Variants in SGCD observed in about 807,000 individuals in gnomAD.
SGCD encodes the protein delta-sarcoglycan.
In SGCD, 18 loss-of-function variants were observed where a neutral mutation model predicts 36.6. The ratio of observed to expected loss-of-function variants is 0.49; its 90% CI spans 0.34 to 0.73. SGCD has a LOEUF of 0.73. SGCD is among the 30% of genes least tolerant of loss of function. The probability of loss-of-function intolerance (pLI) is 0.01; values close to 1 mark genes in which losing one functional copy is unlikely to be tolerated. For missense variants in SGCD, 387 were observed against 346.7 expected, an observed-to-expected ratio of 1.12 and a Z score of -0.92; for synonymous variants, 133 against 130.6, an observed-to-expected ratio of 1.02 and a Z score of -0.12.
At chr5:156,689,215 A>C (rs2113701953) in intron 7 of SGCD, among the ~76,000 whole-genome samples, 1 of 152,232 alleles carries the variant, frequency 6.6e-6, no homozygotes, top group South Asian at 2.1e-4. Flanking sequence ...GTATAGAGGA[A>C]CTCCCTGCAC....
At chr5:156,121,225 C>T (rs1054147195) in intron 2 of SGCD, among the ~76,000 whole-genome samples, 1 of 152,060 alleles carries the variant, frequency 6.6e-6, no homozygotes, top group African/African-American at 2.4e-5. Flanking sequence ...GAATATAAGC[C>T]TGCAGCAGTA....
At chr5:156,153,253 GT>G (rs80302793) in intron 3 of SGCD, among the ~76,000 whole-genome samples, 6,080 of 141,062 alleles carry the variant, frequency 0.043, 588 homozygotes, top group African/African-American at 0.15. Flanking sequence ...AAAAAATGTT[GT>G]TTTTTTTTTT....
chr5:156,058,181 C>G (rs759757466), intron 1 of SGCD, among the ~76,000 whole-genome samples: 1 of 145,764 alleles, frequency 6.9e-6, no homozygotes, highest in Non-Finnish European at 1.5e-5. Context: ...TCTGAGCAAG[C>G]CTTTAGATAT....
chr5:156,238,189 C>T (rs1006796221), intron 3 of SGCD, among the ~76,000 whole-genome samples: 4 of 152,158 alleles, frequency 2.6e-5, no homozygotes, highest in Non-Finnish European at 5.9e-5. Context: ...GCGATCCTTC[C>T]GCCTTAGCCT....
rs374357211 is a variant in SGCD, at chr5:155,949,634, T to C, written c.-282+79210T>C. Among the ~76,000 whole-genome samples the C allele has an allele frequency of 7.2e-5, 11 of 152,318 alleles. No individual in the cohort carries two copies. In the East Asian group the frequency reaches 2.1e-3, roughly 29 times the overall value. On this transcript the variant is annotated intron_variant, in intron 1 of 9. Transcript: ENST00000517913. ...AAAAGTCAAATTGAGAGCAATATTT[T>C]ATGGTTTGTAGAAATTACATGAAAT...
intron 4 of SGCD, among the ~76,000 whole-genome samples, chr5:156,529,397 C>A (rs543700536): frequency 2.5e-4 from 37 of 145,284 alleles, no homozygotes; most frequent in Non-Finnish European, 4.0e-4. Context: ...TGCACTCCAG[C>A]CTGACAACAG....
the SGCD span, among the ~76,000 whole-genome samples, chr5:155,812,698 A>C: frequency 1.3e-5 from 2 of 152,202 alleles, no homozygotes; most frequent in African/African-American, 4.8e-5. Context: ...AATAAGAACC[A>C]ATGTATGAGT....
chr5:156,049,932 C>T (rs1759873527), intron 1 of SGCD, among the ~76,000 whole-genome samples: 2 of 146,638 alleles, frequency 1.4e-5, no homozygotes, highest in African/African-American at 4.9e-5. Flanking sequence ...CATGATAAAA[C>T]TTGAATGGAT....
At chr5:156,662,971 A>G (rs2113634169) in intron 7 of SGCD, among the ~76,000 whole-genome samples, 1 of 150,516 alleles carries the variant, frequency 6.6e-6, no homozygotes, top group South Asian at 2.1e-4. Context: ...ACCGCCCCTA[A>G]AAAGGATACC....
intron 1 of SGCD, among the ~76,000 whole-genome samples, chr5:156,094,020 A>G (rs1281908368): frequency 6.6e-6 from 1 of 152,180 alleles, no homozygotes; most frequent in African/African-American, 2.4e-5. Context: ...GCTCTGTGCA[A>G]ATCAGGTGCC....
intron 3 of SGCD, among the ~76,000 whole-genome samples, chr5:156,159,948 C>T (rs1278018612): frequency 6.6e-6 from 1 of 151,446 alleles, no homozygotes; most frequent in African/African-American, 2.4e-5. Context: ...ACATATTTTT[C>T]TTAAGTCCCA....
At chr5:156,397,764 T>C (rs4454042) in intron 3 of SGCD, among the ~76,000 whole-genome samples, 112,050 of 152,104 alleles carry the variant, frequency 0.74, 41,546 homozygotes, top group Middle Eastern at 0.89. Flanking sequence ...AAGTCATTGC[T>C]AAACAAGTGA....
At chr5:156,481,910 C>T (rs980148) in intron 3 of SGCD, among the ~76,000 whole-genome samples, 63,710 of 151,872 alleles carry the variant, frequency 0.42, 14,346 homozygotes, top group Middle Eastern at 0.67. Flanking sequence ...TTAATCCTGA[C>T]TGATCAGACA....
chr5:156,561,973 G>A (rs1351919746), intron 4 of SGCD, among the ~76,000 whole-genome samples: 1 of 152,086 alleles, frequency 6.6e-6, no homozygotes, highest in Non-Finnish European at 1.5e-5. Context: ...AGAGCCCTCA[G>A]GCACATGTAT....
At chr5:156,688,152 G>T (rs1236230838) in intron 7 of SGCD, among the ~76,000 whole-genome samples, 1 of 151,996 alleles carries the variant, frequency 6.6e-6, no homozygotes, top group Admixed American at 6.6e-5. Flanking sequence ...CTGATTATTT[G>T]ATCACCCAGG....
chr5:156,080,282 CTGGGCTTGTGATT>C (rs1312456077), intron 1 of SGCD, among the ~76,000 whole-genome samples: 5 of 152,180 alleles, frequency 3.3e-5, no homozygotes, highest in Non-Finnish European at 5.9e-5. Flanking sequence ...TCTTAGGTCT[CTGGGCTTGTGATT>C]TGGGCTGTCT....
intron 7 of SGCD, among the ~76,000 whole-genome samples, chr5:156,677,594 G>A (rs1376070149): frequency 3.3e-5 from 5 of 152,006 alleles, no homozygotes; most frequent in East Asian, 1.9e-4. Context: ...TGTAAATGAC[G>A]AGTTAATGGG....
At chr5:156,013,340 T>G (rs1453712816) in intron 1 of SGCD, among the ~76,000 whole-genome samples, 1 of 152,204 alleles carries the variant, frequency 6.6e-6, no homozygotes. Flanking sequence ...GTTTTTGAAG[T>G]GTTGCTTTCT....
rs373596399 is a variant in SGCD at position 156,112,373 on chromosome 5, A to G, written c.-281-5505A>G. Among the ~76,000 whole-genome samples the G allele has an allele frequency of 2.6e-5, 4 of 152,206 alleles. No homozygotes were observed. The East Asian group carries it at 7.7e-4, about 29-fold the overall frequency. ...GTAAGAAGGGTGAGGGAAAAATAAT[A>G]GCCAGCCACCTAAGTCACATTTATG... On this transcript the variant is annotated intron_variant, in intron 1 of 9. Coordinates refer to the SGCD transcript ENST00000517913.
Sources: allele counts gnomAD v4.1 joint callset (sites outside exome capture counted in the v4.1 genomes callset), GRCh38; gene constraint gnomAD v4.1.1; transcripts MANE v1.5; gene names NCBI Gene and HGNC (gene_info 2026-07-23, HGNC 2026-07-21).